The following ACTL6A variants were observed in gnomAD, a reference collection of about 807,000 sequenced individuals.
ACTL6A encodes the protein actin like 6A.
A neutral mutation model predicts 59.2 loss-of-function variants in ACTL6A; 5 were observed. That is an observed-to-expected ratio of 0.08 (90% confidence interval 0.04 to 0.18). ACTL6A has a LOEUF of 0.18. Among genes scored for constraint, ACTL6A ranks in the 10% least tolerant of loss-of-function variants. The pLI is 1.00. For synonymous variants in ACTL6A, 154 were observed against 171.8 expected, an observed-to-expected ratio of 0.90 and a Z score of 0.81; for missense variants, 285 against 526.9, an observed-to-expected ratio of 0.54 and a Z score of 4.49.
rs1717951291 is a variant in ACTL6A, at chr3:179,569,897, C to T, written c.99C>T (p.Pro33=). Residue 33 remains proline (P), a synonymous_variant, in exon 2 of 14, where the codon CCC becomes CCT. Coordinates refer to ENST00000429709, the MANE Select transcript of ACTL6A (RefSeq NM_004301.5). ...VRAGYAGEDC[P]KVDFPTAIGM... is the part of the protein sequence containing the mutation. The stretch of plus-strand genomic sequence containing the variant: ...CTGGTTATGCTGGTGAGGACTGCCC[C>T]AAGGTAAGTGTAATGTTAGAGTTAA... The T allele has an allele frequency of 1.9e-6, 3 of 1,613,810 alleles. No individual in the cohort carries two copies. Among genetic ancestry groups the T allele is most frequent in the Non-Finnish European group, 2.5e-6 (3 of 1,179,768 alleles).
At chr3:179,586,131 T>C (rs558031263) in intron 12 of ACTL6A, among the ~76,000 whole-genome samples, 9 of 152,372 alleles carry the variant, frequency 5.9e-5, no homozygotes, top group African/African-American at 1.7e-4. Flanking sequence ...ATAGAAATTG[T>C]GAATGCTATA....
intron 5 of ACTL6A, chr3:179,575,286 T>C (rs888315730): frequency 9.3e-6 from 4 of 428,958 alleles, no homozygotes; most frequent in East Asian, 7.0e-5. Context: ...TCTTCCCACA[T>C]GCTCCTACTC....
chr3:179,586,753 G>A lies in ACTL6A; in HGVS notation c.1209+121G>A, dbSNP rs951984340. 29 of 814,846 alleles carry A rather than the reference G, an allele frequency of 3.6e-5. 1 individual carries two copies. Among genetic ancestry groups the A allele is most frequent in the South Asian group, 1.0e-4 (6 of 57,202 alleles). The allele number at this position is 814,846 out of a possible 1,614,324, so 50.5% of individuals were successfully genotyped here. A position where few individuals can be genotyped will look rare whatever the true frequency, so the allele number is the denominator to read the frequency against. ...GCATTTTATAACTGTCAAATGAGTG[G>A]AAGACCTAATGGAATAACCAGTTTT... On this transcript the variant is annotated intron_variant, in intron 13 of 13. Coordinates refer to ENST00000429709, the MANE Select transcript of ACTL6A (RefSeq NM_004301.5).
rs373401504 is a variant in ACTL6A, at chr3:179,563,056, G to A, written c.-37G>A. ...CGCGGCCACTGCAGTCACTTCGCCA[G>A]TTAGCCCTTAGGGTAGGAGTCGCGC... On this transcript the variant is annotated 5_prime_UTR_variant, in exon 1 of 14. Coordinates refer to ENST00000429709, the MANE Select transcript of ACTL6A (RefSeq NM_004301.5). 6.8e-6 allele frequency: 11 copies of A among 1,609,094 alleles called. No homozygotes were observed. Among genetic ancestry groups the A allele is most frequent in the Non-Finnish European group, 9.3e-6 (11 of 1,179,198 alleles).
At chr3:179,586,469 A>G in intron 12 of ACTL6A, 77 bp from the exon 13 acceptor site, 6 of 746,292 alleles carry the variant, frequency 8.0e-6, no homozygotes, top group Admixed American at 8.4e-5. Context: ...CTCTATTTGA[A>G]AAAAAAAAAA....
chr3:179,565,176 G>A (rs149143960), intron 1 of ACTL6A, among the ~76,000 whole-genome samples: 13 of 152,052 alleles, frequency 8.5e-5, no homozygotes, highest in Non-Finnish European at 1.9e-4. Flanking sequence ...GGCCGGGTGC[G>A]GTGTAATCCC....
rs1717982607 is a variant in ACTL6A, at chr3:179,570,830, AG to A, written c.277+592del. ...CATAAAAGGGCTTGTAAACCATCCC[AG>A]GGTTGTATTAAGCTAGTGACTGAAG... On this transcript the variant is annotated intron_variant, in intron 3 of 13. Transcript: ENST00000429709. The surrounding 1 kb of genome is among the most constrained non-coding windows in gnomAD (Gnocchi z 4.3). 6.6e-6 allele frequency among the ~76,000 whole-genome samples: 1 copy of A among 152,200 alleles called. No homozygotes were observed. The highest frequency in any genetic ancestry group is 1.5e-5 in the Non-Finnish European group (1 of 68,032).
intron 8 of ACTL6A, among the ~76,000 whole-genome samples, chr3:179,577,489 CAAAA>C (rs924769724): frequency 3.3e-5 from 5 of 149,316 alleles, no homozygotes; most frequent in South Asian, 4.2e-4. Flanking sequence ...AAAAAAAAAA[CAAAA>C]AAAAACTGTT....
chr3:179,563,664 G>T (rs1229177056), intron 1 of ACTL6A, among the ~76,000 whole-genome samples: 1 of 152,246 alleles, frequency 6.6e-6, no homozygotes, highest in Non-Finnish European at 1.5e-5. Flanking sequence ...CCCCGTCTGC[G>T]CCCCATGCGC....
chr3:179,586,725 T>C, intron 13 of ACTL6A, 93 bp downstream of exon 13: 1 of 1,072,144 alleles, frequency 9.3e-7, no homozygotes, highest in Non-Finnish European at 1.3e-6. Context: ...TTCATTTGTC[T>C]GTGCATTTTA....
At chr3:179,565,363 G>A (rs1217887884) in intron 1 of ACTL6A, among the ~76,000 whole-genome samples, 2 of 149,776 alleles carry the variant, frequency 1.3e-5, no homozygotes, top group African/African-American at 4.9e-5. Flanking sequence ...CTCGAACCTG[G>A]AACTGCACTC....
At chr3:179,573,509 T>C in intron 4 of ACTL6A, 40 bp downstream of exon 4, 1 of 1,307,690 alleles carries the variant, frequency 7.6e-7, no homozygotes, top group Non-Finnish European at 1.0e-6. Flanking sequence ...CTCTAGTTGT[T>C]TTTTTTTTTT....
At chr3:179,563,415 A>C (rs1286386860) in intron 1 of ACTL6A, among the ~76,000 whole-genome samples, 1 of 152,014 alleles carries the variant, frequency 6.6e-6, no homozygotes, top group Non-Finnish European at 1.5e-5. Flanking sequence ...GCTGGGCGGG[A>C]GGCTCAGTCT....
At chr3:179,580,821 T>C in intron 9 of ACTL6A, 73 bp from the exon 10 acceptor site, 1 of 1,423,338 alleles carries the variant, frequency 7.0e-7, no homozygotes, top group Non-Finnish European at 9.7e-7. Flanking sequence ...AAGTTTATAA[T>C]TCCCTAGTAG....
chr3:179,588,101 A>G lies in ACTL6A; in HGVS notation c.*91A>G. 1 of 945,932 alleles carries G rather than the reference A, an allele frequency of 1.1e-6. No individual in the cohort carries two copies. The highest frequency in any genetic ancestry group is 1.5e-6 in the Non-Finnish European group (1 of 666,542). The allele number at this position is 945,932 out of a possible 1,614,324, so 58.6% of individuals were successfully genotyped here. A position where few individuals can be genotyped will look rare whatever the true frequency, so the allele number is the denominator to read the frequency against. On this transcript the variant is annotated 3_prime_UTR_variant, in exon 14 of 14. Coordinates refer to ENST00000429709, the MANE Select transcript of ACTL6A (RefSeq NM_004301.5). ...GAAAAGAATGACCATCTTTTGTAGA[A>G]TGTTTATACATTTTTGCATATTTCA...
Position 179,586,613 on chromosome 3 carries a change from G to A in ACTL6A, c.1190G>A (p.Gly397Asp). Residue 397 changes from glycine to aspartate, a missense_variant, in exon 13 of 14, where the codon GGC (glycine) becomes GAC (aspartate). Coordinates refer to ENST00000429709, the MANE Select transcript of ACTL6A (RefSeq NM_004301.5). Reference protein sequence around the residue: ...VERRFSSWIGGSILASLGTFQ... With the variant: ...VERRFSSWIGDSILASLGTFQ... Reference sequence around the variant, plus strand: ...CGGAGGTTTAGCTCATGGATTGGCGGCTCCATTCTAGCCTCTTTGGTTAGT... The same window carrying A: ...CGGAGGTTTAGCTCATGGATTGGCGACTCCATTCTAGCCTCTTTGGTTAGT... 6.3e-7 allele frequency: 1 copy of A among 1,599,950 alleles called. No homozygotes were observed. Among genetic ancestry groups the A allele is most frequent in the Admixed American group, 1.8e-5 (1 of 56,352 alleles).
At chr3:179,563,811 C>T (rs1717747348) in intron 1 of ACTL6A, among the ~76,000 whole-genome samples, 1 of 152,086 alleles carries the variant, frequency 6.6e-6, no homozygotes, top group African/African-American at 2.4e-5. Context: ...GCTGGGGGTC[C>T]TAGGCGTGTT....
intron 13 of ACTL6A, 74 bp from the exon 14 acceptor site, chr3:179,587,856 A>G: frequency 7.7e-7 from 1 of 1,296,304 alleles, no homozygotes; most frequent in Non-Finnish European, 1.1e-6. Context: ...CCTTCTCTCA[A>G]AAAAAAAAAA....
At chr3:179,564,179 A>G (rs968981653) in intron 1 of ACTL6A, among the ~76,000 whole-genome samples, 3 of 152,210 alleles carry the variant, frequency 2.0e-5, no homozygotes, top group African/African-American at 7.2e-5. Flanking sequence ...AAACACTGAT[A>G]CATATAATTC....
Sources: allele counts gnomAD v4.1 joint callset (sites outside exome capture counted in the v4.1 genomes callset), GRCh38; gene constraint gnomAD v4.1.1; non-coding constraint Gnocchi (gnomAD v3.1); transcripts MANE v1.5; gene names NCBI Gene and HGNC (gene_info 2026-07-23, HGNC 2026-07-21).